CTNNA3: variants seen among roughly 807,000 people sequenced by gnomAD.
CTNNA3 encodes the protein catenin alpha-3.
CTNNA3 carries 76 observed loss-of-function variants against 95.7 expected under a neutral mutation model. That is an observed-to-expected ratio of 0.79 (90% CI 0.66 to 0.96). The LOEUF (loss-of-function observed/expected upper bound fraction) is 0.96, where lower values mean the gene tolerates loss of function less well. Ranked by LOEUF, CTNNA3 falls within the 40% of genes least tolerant of loss-of-function variation. CTNNA3 has a pLI of 0.00. For synonymous variants in CTNNA3, 431 were observed against 374.4 expected, an observed-to-expected ratio of 1.15 and a Z score of -1.74; for missense variants, 1,191 against 1,089.8, an observed-to-expected ratio of 1.09 and a Z score of -1.31.
intron 12 of CTNNA3, among the ~76,000 whole-genome samples, chr10:66,377,652 T>A (rs1428309395): frequency 6.7e-6 from 1 of 150,072 alleles, no homozygotes; most frequent in Non-Finnish European, 1.5e-5. Flanking sequence ...TTTTTATTTG[T>A]CTAAAAAAAA....
At chr10:66,444,235 G>C (rs2093399585) in intron 11 of CTNNA3, among the ~76,000 whole-genome samples, 1 of 152,164 alleles carries the variant, frequency 6.6e-6, no homozygotes, top group Non-Finnish European at 1.5e-5. Flanking sequence ...ATAGAACCAA[G>C]TTGGAAAACA....
At chr10:65,984,730 A>G (rs1180086165) in intron 16 of CTNNA3, among the ~76,000 whole-genome samples, 1 of 151,428 alleles carries the variant, frequency 6.6e-6, no homozygotes, top group Non-Finnish European at 1.5e-5. Context: ...AACTTTGAAA[A>G]CTGGGTGTTT....
chr10:66,532,153 G>T (rs909626432), intron 10 of CTNNA3, among the ~76,000 whole-genome samples: 2 of 151,966 alleles, frequency 1.3e-5, no homozygotes, highest in Non-Finnish European at 2.9e-5. Flanking sequence ...ATAATAAGAG[G>T]TTGGCAAAAG....
chr10:67,703,681 C>A (rs1005675968), intron 1 of CTNNA3, among the ~76,000 whole-genome samples: 44 of 152,166 alleles, frequency 2.9e-4, no homozygotes, highest in Non-Finnish European at 3.2e-4. Flanking sequence ...ACTGAATGGG[C>A]AAACACTGGA....
intron 5 of CTNNA3, among the ~76,000 whole-genome samples, chr10:67,459,748 A>G (rs1232483571): frequency 6.6e-6 from 1 of 152,186 alleles, no homozygotes; most frequent in Non-Finnish European, 1.5e-5. Context: ...CCTTAAAATT[A>G]TCTTTTACCT....
chr10:67,059,840 T>C (rs1855654116), intron 7 of CTNNA3, among the ~76,000 whole-genome samples: 1 of 152,336 alleles, frequency 6.6e-6, no homozygotes, highest in East Asian at 1.9e-4. Context: ...TATAATAGCA[T>C]GTATGTCTTT....
At chr10:66,847,055 C>T (rs1843308358) in intron 7 of CTNNA3, among the ~76,000 whole-genome samples, 1 of 152,212 alleles carries the variant, frequency 6.6e-6, no homozygotes, top group African/African-American at 2.4e-5. Context: ...TAATTCCCTA[C>T]ATCCACAAGG....
intron 4 of CTNNA3, among the ~76,000 whole-genome samples, chr10:67,525,523 C>CT (rs1050908899): frequency 7.2e-5 from 11 of 152,100 alleles, no homozygotes; most frequent in African/African-American, 2.4e-4. Context: ...ATTTTTTCTC[C>CT]TTTTTCCTGA....
chr10:67,271,458 T>C (rs904386952), intron 5 of CTNNA3, among the ~76,000 whole-genome samples: 1 of 152,318 alleles, frequency 6.6e-6, no homozygotes, highest in East Asian at 1.9e-4. Context: ...GTAAGTTTCC[T>C]GAGGCCTCTC....
chr10:66,719,346 C>A (rs1379980864), intron 9 of CTNNA3, among the ~76,000 whole-genome samples: 1 of 152,120 alleles, frequency 6.6e-6, no homozygotes, highest in Non-Finnish European at 1.5e-5. Flanking sequence ...TCTGTCTGTG[C>A]CATTATGACC....
chr10:67,101,682 A>T (rs1374099592), intron 7 of CTNNA3, among the ~76,000 whole-genome samples: 1 of 151,856 alleles, frequency 6.6e-6, no homozygotes, highest in Admixed American at 6.6e-5. Flanking sequence ...GACTAATCAC[A>T]TAATCCTATT....
intron 7 of CTNNA3, among the ~76,000 whole-genome samples, chr10:66,861,750 C>T (rs753407834): frequency 2.0e-5 from 3 of 152,152 alleles, no homozygotes; most frequent in Admixed American, 1.3e-4. Context: ...ACTTTTCAGA[C>T]AATTATTCCT....
At chr10:66,844,822 T>C (rs945850180) in intron 7 of CTNNA3, among the ~76,000 whole-genome samples, 2 of 152,170 alleles carry the variant, frequency 1.3e-5, no homozygotes, top group Non-Finnish European at 2.9e-5. Flanking sequence ...GTTTGCAATA[T>C]TTGTTTAAAG....
intron 11 of CTNNA3, among the ~76,000 whole-genome samples, chr10:66,494,428 T>C (rs561314042): frequency 4.4e-4 from 67 of 152,320 alleles, no homozygotes; most frequent in African/African-American, 1.6e-3. Context: ...GAAAACATAG[T>C]AAAATTTCCA....
At chr10:66,104,381 T>G (rs7911820) in intron 13 of CTNNA3, among the ~76,000 whole-genome samples, 92,734 of 152,050 alleles carry the variant, frequency 0.61, 28,320 homozygotes, top group East Asian at 0.71. Flanking sequence ...TGCAAATACA[T>G]GTCAAAGTGC....
intron 7 of CTNNA3, among the ~76,000 whole-genome samples, chr10:66,794,814 T>G (rs1364789011): frequency 6.6e-6 from 1 of 152,110 alleles, no homozygotes; most frequent in East Asian, 1.9e-4. Context: ...TTGTAAGACA[T>G]TCTAAATCCT....
chr10:67,068,569 A>G (rs536388823), intron 7 of CTNNA3, among the ~76,000 whole-genome samples: 92 of 152,340 alleles, frequency 6.0e-4, no homozygotes, highest in Middle Eastern at 3.4e-3. Context: ...GGTCAAGAAC[A>G]GAACTTTGGA....
At chr10:67,306,257 TAA>T (rs1176577210) in intron 5 of CTNNA3, among the ~76,000 whole-genome samples, 7 of 152,222 alleles carry the variant, frequency 4.6e-5, no homozygotes, top group African/African-American at 1.7e-4. Flanking sequence ...TAATAAAAGA[TAA>T]AGTTTGGGAA....
At chr10:66,395,575 A>G (rs1327804617) in intron 11 of CTNNA3, among the ~76,000 whole-genome samples, 3 of 152,028 alleles carry the variant, frequency 2.0e-5, no homozygotes, top group Non-Finnish European at 4.4e-5. Flanking sequence ...TCAGGAATTC[A>G]ATGTGGTTCA....
Sources: allele counts gnomAD v4.1 joint callset (sites outside exome capture counted in the v4.1 genomes callset), GRCh38; gene constraint gnomAD v4.1.1; transcripts MANE v1.5; gene names NCBI Gene and HGNC (gene_info 2026-07-23, HGNC 2026-07-21).